CACNA1E: variants seen among roughly 807,000 people sequenced by gnomAD.
CACNA1E encodes the protein voltage-dependent R-type calcium channel subunit alpha-1E.
CACNA1E carries 40 observed loss-of-function variants against 259.2 expected under a neutral mutation model. The ratio of observed to expected loss-of-function variants is 0.15; its 90% CI spans 0.12 to 0.20. CACNA1E has a LOEUF of 0.20. CACNA1E is among the 10% of genes least tolerant of loss of function. The pLI is 1.00. For missense variants in CACNA1E, 1,874 were observed against 3,040.1 expected (o/e 0.62, Z 9.02); for synonymous variants, 1,104 against 1,138.5 (o/e 0.97, Z 0.61).
At chr1:181,606,292 A>C (rs975615828) in intron 6 of CACNA1E, among the ~76,000 whole-genome samples, 1 of 151,900 alleles carries the variant, frequency 6.6e-6, no homozygotes, top group African/African-American at 2.4e-5. Flanking sequence ...TCTCTTTCCC[A>C]CCTGCCTGTC....
intron 22 of CACNA1E, among the ~76,000 whole-genome samples, chr1:181,737,234 CA>C (rs1482961458): frequency 1.3e-5 from 2 of 152,210 alleles, no homozygotes; most frequent in African/African-American, 4.8e-5. Flanking sequence ...GGGTGCTATG[CA>C]GCTGCCCTGA....
chr1:181,440,666 T>G (rs1660400554), intron 2 of CACNA1E, among the ~76,000 whole-genome samples: 1 of 152,040 alleles, frequency 6.6e-6, no homozygotes, highest in African/African-American at 2.4e-5. Context: ...CCACTGCTAT[T>G]AAGATGCCCA....
At chr1:181,704,673 C>T (rs1233620486) in intron 7 of CACNA1E, among the ~76,000 whole-genome samples, 2 of 152,106 alleles carry the variant, frequency 1.3e-5, no homozygotes, top group African/African-American at 4.8e-5. Context: ...CAAGTGTGTA[C>T]AGTAGTGTGG....
At chr1:181,442,406 G>A (rs1047366107) in intron 2 of CACNA1E, among the ~76,000 whole-genome samples, 13 of 151,176 alleles carry the variant, frequency 8.6e-5, no homozygotes, top group African/African-American at 3.2e-4. Flanking sequence ...GGGGGAACAT[G>A]TGTGAAGGGT....
chr1:181,678,742 A>G (rs1306457737), intron 7 of CACNA1E, among the ~76,000 whole-genome samples: 1 of 152,218 alleles, frequency 6.6e-6, no homozygotes, highest in African/African-American at 2.4e-5. Flanking sequence ...CACCTTGGGC[A>G]CATTTTCTAA....
At chr1:181,560,465 C>T (rs1250738623) in intron 3 of CACNA1E, among the ~76,000 whole-genome samples, 2 of 151,842 alleles carry the variant, frequency 1.3e-5, no homozygotes, top group Non-Finnish European at 2.9e-5. Flanking sequence ...TAAAGTTATA[C>T]TGCTTTTCCT....
intron 6 of CACNA1E, among the ~76,000 whole-genome samples, chr1:181,625,432 T>C (rs1243421414): frequency 6.6e-6 from 1 of 152,230 alleles, no homozygotes; most frequent in African/African-American, 2.4e-5. Context: ...CCCGTCTTTA[T>C]CAATTATCTT....
intron 7 of CACNA1E, among the ~76,000 whole-genome samples, chr1:181,680,253 G>C (rs1389208163): frequency 6.6e-6 from 1 of 152,124 alleles, no homozygotes; most frequent in East Asian, 1.9e-4. Context: ...GATGTCACTA[G>C]AGGTATTCCC....
Position 181,763,646 on chromosome 1 carries a change from C to A in CACNA1E, c.4815+115C>A, listed in dbSNP as rs528473827. 8 of 714,474 alleles carry A rather than the reference C, an allele frequency of 1.1e-5. No individual in the cohort carries two copies. The South Asian group carries it at 1.7e-4, about 16-fold the overall frequency. 44.3% of individuals were successfully genotyped at this position (714,474 alleles called of 1,614,324 possible). On this transcript the variant is annotated intron_variant, in intron 34 of 47. Transcript: ENST00000367573. ...CTCTGGGAAGCTGAAGCTAGTAGAA[C>A]GGGTGTTTGTTAGAAGCATTCAGTA...
chr1:181,385,198 C>G (rs978343545), intron 1 of CACNA1E, among the ~76,000 whole-genome samples: 10 of 152,178 alleles, frequency 6.6e-5, no homozygotes, highest in African/African-American at 2.4e-4. Context: ...CTCTTACCTC[C>G]TACACTGCCA....
chr1:181,636,593 C>T (rs1429993820), intron 6 of CACNA1E, among the ~76,000 whole-genome samples: 2 of 152,160 alleles, frequency 1.3e-5, no homozygotes, highest in Non-Finnish European at 1.5e-5. Context: ...CTGAAAACTC[C>T]TTGGAGCACC....
intron 2 of CACNA1E, among the ~76,000 whole-genome samples, chr1:181,438,608 G>C (rs991691006): frequency 3.3e-5 from 5 of 152,098 alleles, no homozygotes; most frequent in Non-Finnish European, 5.9e-5. Flanking sequence ...CCCCAATATA[G>C]AAATACAAAT....
At chr1:181,496,270 A>G (rs572426587) in intron 1 of CACNA1E, among the ~76,000 whole-genome samples, 3 of 152,328 alleles carry the variant, frequency 2.0e-5, no homozygotes, top group Admixed American at 2.0e-4. Flanking sequence ...ATGATGCAGA[A>G]TTTTCCCAGA....
chr1:181,763,690 T>C (rs532805558), intron 34 of CACNA1E, among the ~76,000 whole-genome samples, 159 bp downstream of exon 34: 7 of 152,214 alleles, frequency 4.6e-5, no homozygotes, highest in Admixed American at 6.5e-5. Context: ...AATTCTTAGT[T>C]ACAGCACAGC....
rs546503901 is a variant in CACNA1E, at chr1:181,538,591, A to G, written c.512+27081A>G. On this transcript the variant is annotated intron_variant, in intron 3 of 47. Transcript: ENST00000367573. ...GAAGAGAGTGACAAGAAGCAATTGC[A>G]ATACATCACCGCACTAATGCTCTGT... 3.3e-5 allele frequency among the ~76,000 whole-genome samples: 5 copies of G among 152,202 alleles called. 1 individual carries two copies. Among genetic ancestry groups the G allele is most frequent in the Non-Finnish European group, 5.9e-5 (4 of 68,028 alleles).
At chr1:181,484,524 A>G (rs1337452297) in intron 1 of CACNA1E, among the ~76,000 whole-genome samples, 2 of 152,246 alleles carry the variant, frequency 1.3e-5, no homozygotes, top group East Asian at 3.8e-4. Context: ...GTGTACAGAT[A>G]GACAAATGAA....
chr1:181,763,621 C>T (rs1401085145), intron 34 of CACNA1E, 90 bp downstream of exon 34: 1 of 994,582 alleles, frequency 1.0e-6, no homozygotes, highest in Non-Finnish European at 1.4e-6. Flanking sequence ...GTCCCTTCAC[C>T]TCTGGGAAGC....
intron 6 of CACNA1E, among the ~76,000 whole-genome samples, chr1:181,595,208 T>G (rs1653038197): frequency 6.6e-6 from 1 of 151,962 alleles, no homozygotes; most frequent in Admixed American, 6.6e-5. Context: ...AGAAAGGGAG[T>G]GTGGAGCTTG....
upstream of CACNA1E, among the ~76,000 whole-genome samples, chr1:181,482,431 T>C (rs1248074365): frequency 6.6e-6 from 1 of 152,220 alleles, no homozygotes; most frequent in African/African-American, 2.4e-5. Flanking sequence ...TTCTCGGCAT[T>C]ACTTGGGGGA....
Sources: allele counts gnomAD v4.1 joint callset (sites outside exome capture counted in the v4.1 genomes callset), GRCh38; gene constraint gnomAD v4.1.1; transcripts MANE v1.5; gene names NCBI Gene and HGNC (gene_info 2026-07-23, HGNC 2026-07-21).